DGLUCY: variants seen among roughly 807,000 people sequenced by gnomAD.
DGLUCY encodes the protein D-glutamate cyclase.
DGLUCY carries 58 observed loss-of-function variants against 58.5 expected under a neutral mutation model. The observed-to-expected ratio is 0.99, with a 90% confidence interval of 0.80 to 1.23. The LOEUF (loss-of-function observed/expected upper bound fraction) is 1.23, where lower values mean the gene tolerates loss of function less well. DGLUCY is among the 50% of genes most tolerant of loss of function. DGLUCY has a pLI of 0.00. For missense variants in DGLUCY, 779 were observed against 784.7 expected, an observed-to-expected ratio of 0.99 and a Z score of 0.09; for synonymous variants, 325 against 314.1, an observed-to-expected ratio of 1.03 and a Z score of -0.37.
At chr14:91,184,438 C>G (rs2049360263) in intron 8 of DGLUCY, among the ~76,000 whole-genome samples, 1 of 151,082 alleles carries the variant, frequency 6.6e-6, no homozygotes, top group Admixed American at 6.6e-5. Context: ...CCTGTGGTCC[C>G]AGCTACTGGG....
chr14:91,094,588 C>T (rs1352915011), intron 1 of DGLUCY, among the ~76,000 whole-genome samples: 1 of 151,704 alleles, frequency 6.6e-6, no homozygotes, highest in African/African-American at 2.4e-5. Flanking sequence ...CTCCTATAAT[C>T]CCAGCACTTT....
chr14:91,182,853 G>T (rs909843525), intron 8 of DGLUCY, among the ~76,000 whole-genome samples: 1 of 151,740 alleles, frequency 6.6e-6, no homozygotes, highest in Non-Finnish European at 1.5e-5. Context: ...CTGTACATGG[G>T]AGAGGGCTGG....
At chr14:91,183,260 T>G (rs2049295460) in intron 8 of DGLUCY, among the ~76,000 whole-genome samples, 1 of 152,138 alleles carries the variant, frequency 6.6e-6, no homozygotes, top group Non-Finnish European at 1.5e-5. Context: ...CCTCCCAAAG[T>G]GCTGGGATTA....
At chr14:91,101,547 C>T (rs944745919) in intron 1 of DGLUCY, among the ~76,000 whole-genome samples, 3 of 152,210 alleles carry the variant, frequency 2.0e-5, no homozygotes, top group Non-Finnish European at 2.9e-5. Flanking sequence ...CGTTGGAAGT[C>T]GTGCACTCCT....
rs1376774543 is a variant in DGLUCY at position 91,062,609 on chromosome 14, AT to A, written c.-82+1906del. Reference sequence around the variant, plus strand: ...TATATATATATATATATATATATATATAAACAATCCTTAGCTCAAGGGCAGT... The same window carrying A: ...TATATATATATATATATATATATATAAAACAATCCTTAGCTCAAGGGCAGT... On this transcript the variant is annotated intron_variant, in intron 1 of 4. Coordinates refer to the DGLUCY transcript ENST00000521334. Among the ~76,000 whole-genome samples the A allele has an allele frequency of 1.4e-3, 38 of 27,608 alleles. 1 individual carries two copies. Among genetic ancestry groups the A allele is most frequent in the East Asian group, 2.5e-3 (2 of 816 alleles). 18.1% of individuals were successfully genotyped at this position (27,608 alleles called of 152,430 possible).
rs1555387690 is a variant in DGLUCY, at chr14:91,068,075, G to GCGCGTGCACACACACA, written c.-82+7372_-82+7373insGCGTGCACACACACAC. On this transcript the variant is annotated intron_variant, in intron 1 of 4. Transcript: ENST00000521334. Reference sequence around the variant, plus strand: ...CTGGCGCGTGCACACACACACACGCGCACGCACACACACACACACACACAC... The same window carrying GCGCGTGCACACACACA: ...CTGGCGCGTGCACACACACACACGCGCGCGTGCACACACACACACGCACACACACACACACACACAC... Among the ~76,000 whole-genome samples, 6 of 46,058 alleles carry GCGCGTGCACACACACA rather than the reference G, an allele frequency of 1.3e-4. No homozygotes were observed. The Admixed American group carries it at 1.8e-3, about 14-fold the overall frequency. The allele number at this position is 46,058 out of a possible 152,430, so 30.2% of individuals were successfully genotyped here.
At chr14:91,184,738 CAG>C (rs996065062) in intron 8 of DGLUCY, among the ~76,000 whole-genome samples, 3 of 151,992 alleles carry the variant, frequency 2.0e-5, no homozygotes, top group African/African-American at 7.3e-5. Context: ...CTTCCAATGA[CAG>C]GGGCATCTGT....
chr14:91,087,183 A>G (rs2044235949), intron 1 of DGLUCY, among the ~76,000 whole-genome samples: 2 of 152,238 alleles, frequency 1.3e-5, no homozygotes, highest in Admixed American at 1.3e-4. Context: ...CAAAGGACTC[A>G]ACCAATATCT....
chr14:91,102,743 ATGTGTG>A (rs548653144), intron 1 of DGLUCY, among the ~76,000 whole-genome samples: 5,841 of 130,622 alleles, frequency 0.045, 143 homozygotes, highest in Middle Eastern at 0.08. Flanking sequence ...TCCAGTGTGT[ATGTGTG>A]TGTGTGTGTG....
chr14:91,220,744 G>A (rs1156511916), intron 13 of DGLUCY: 1 of 444,898 alleles, frequency 2.2e-6, no homozygotes, highest in Non-Finnish European at 4.6e-6. Context: ...TCTACGGGAA[G>A]CCTCAGCACC....
intron 7 of DGLUCY, among the ~76,000 whole-genome samples, chr14:91,180,672 T>C (rs1234748584): frequency 6.6e-6 from 1 of 152,152 alleles, no homozygotes; most frequent in East Asian, 1.9e-4. Context: ...CTAGAGTGTT[T>C]CACATTGCCT....
In DGLUCY at chr14:91,118,621, C is replaced by A. The variant is rs1321536665; in HGVS notation, c.-82+4338C>A. ...GAGTCTCTTTTATCTGTCTTAAGATCTCTGTTTTAATGTTAATGCTGGTCA... is the reference window on the plus strand; with the variant it reads ...GAGTCTCTTTTATCTGTCTTAAGATATCTGTTTTAATGTTAATGCTGGTCA... On this transcript the variant is annotated intron_variant, in intron 1 of 13. Transcript: ENST00000256324. 2.0e-5 allele frequency among the ~76,000 whole-genome samples: 3 copies of A among 152,004 alleles called. No individual in the cohort carries two copies. In the East Asian group the frequency reaches 5.8e-4, roughly 29 times the overall value.
At position 91,161,302 on chromosome 14, in the gene DGLUCY, C is replaced by A. The variant is rs545184993; in HGVS notation, c.103+905C>A. On this transcript the variant is annotated intron_variant, in intron 3 of 13. Coordinates refer to ENST00000256324, the MANE Select transcript of DGLUCY (RefSeq NM_001102368.3). Reference sequence around the variant, plus strand: ...AGCCAGGATGGTCTCCATCTCCTGACCTCGTGATCCGCTCACCTTGGCCTC... The same window carrying A: ...AGCCAGGATGGTCTCCATCTCCTGAACTCGTGATCCGCTCACCTTGGCCTC... Among the ~76,000 whole-genome samples the A allele has an allele frequency of 4.6e-5, 7 of 152,362 alleles. 1 individual carries two copies. In the South Asian group the frequency reaches 1.0e-3, roughly 23 times the overall value.
intron 1 of DGLUCY, among the ~76,000 whole-genome samples, chr14:91,135,378 G>C (rs896147673): frequency 6.6e-6 from 1 of 152,126 alleles, no homozygotes; most frequent in Non-Finnish European, 1.5e-5. Flanking sequence ...GGCCAGGCAC[G>C]GTGGCTCACG....
At chr14:91,131,818 C>A (rs192358710) in intron 1 of DGLUCY, among the ~76,000 whole-genome samples, 227 of 152,168 alleles carry the variant, frequency 1.5e-3, no homozygotes, top group African/African-American at 5.1e-3. Flanking sequence ...TATTTTCAGA[C>A]GGAGTTTCGC....
chr14:91,175,994 CA>C lies in DGLUCY; in HGVS notation c.669del (p.Glu225ArgfsTer10), dbSNP rs1566984634. 6.2e-7 allele frequency: 1 copy of C among 1,614,128 alleles called. No individual in the cohort carries two copies. Among genetic ancestry groups the C allele is most frequent in the Non-Finnish European group, 8.5e-7 (1 of 1,179,986 alleles). On this transcript the variant is annotated frameshift_variant, in exon 7 of 14. Transcript: ENST00000256324. LOFTEE classifies it high-confidence loss of function. ...PAYGDAMVCPPGEVPVFWPSP... is the reference protein window; with the variant it reads ...PAYGDAMVCPXGEVPVFWPSP... The stretch of plus-strand genomic sequence containing the variant: ...TACGGGGATGCCATGGTGTGTCCCC[CA>C]GGGGAGGTTCCAGTGTTCTGGCCTT...
chr14:91,206,177 G>A (rs542817498), intron 12 of DGLUCY, among the ~76,000 whole-genome samples: 5 of 151,870 alleles, frequency 3.3e-5, no homozygotes, highest in South Asian at 2.1e-4. Flanking sequence ...AGCCTTCCAC[G>A]TGGGAGAGGG....
upstream of DGLUCY, chr14:91,114,070 C>G (rs1485190152): frequency 3.3e-5 from 5 of 152,376 alleles, no homozygotes; most frequent in Non-Finnish European, 7.3e-5. Context: ...GCCACGTGAG[C>G]TCAGGCTGTG....
At chr14:91,204,929 T>C (rs1468520129) in intron 12 of DGLUCY, 104 bp downstream of exon 12, 15 of 1,504,296 alleles carry the variant, frequency 1.0e-5, no homozygotes, top group Non-Finnish European at 1.3e-5. Flanking sequence ...AGTCAGTCCA[T>C]AGGGCACCAG....
Sources: allele counts gnomAD v4.1 joint callset (sites outside exome capture counted in the v4.1 genomes callset), GRCh38; gene constraint gnomAD v4.1.1; transcripts MANE v1.5; gene names NCBI Gene and HGNC (gene_info 2026-07-23, HGNC 2026-07-21).